AHCY: variants seen among roughly 807,000 people sequenced by gnomAD.
AHCY encodes adenosylhomocysteinase, also known as S-adenosyl-L-homocysteine hydrolase.
A neutral mutation model predicts 45.4 loss-of-function variants in AHCY; 24 were observed. The ratio of observed to expected loss-of-function variants is 0.53; its 90% CI spans 0.38 to 0.74. The LOEUF (loss-of-function observed/expected upper bound fraction) is 0.74, where lower values mean the gene tolerates loss of function less well. AHCY is among the 30% of genes least tolerant of loss of function. AHCY has a pLI of 0.00. For missense variants in AHCY, 449 were observed against 594.1 expected, an observed-to-expected ratio of 0.76 and a Z score of 2.54; for synonymous variants, 245 against 235.1, an observed-to-expected ratio of 1.04 and a Z score of -0.39.
chr20:34,311,689 A>T (rs2036950757), exon 1 of AHCY: 1 of 152,616 alleles, frequency 6.6e-6, no homozygotes, highest in Middle Eastern at 3.4e-3. Context: ...AGGCGCTGAG[A>T]AAGCCCGCTG....
chr20:34,235,813 GA>G, the AHCY span, among the ~76,000 whole-genome samples: 5 of 57,360 alleles, frequency 8.7e-5, no homozygotes, highest in Non-Finnish European at 1.3e-4. Context: ...AAGAAAGAAA[GA>G]AAGAAAGAAA....
the AHCY span, chr20:34,269,475 C>T: frequency 2.5e-6 from 1 of 393,470 alleles, no homozygotes; most frequent in African/African-American, 2.1e-5. Flanking sequence ...CCAGTCACCG[C>T]TGCTGCCGAC....
At chr20:34,310,430 G>A (rs912360622) in intron 1 of AHCY, among the ~76,000 whole-genome samples, 1 of 152,162 alleles carries the variant, frequency 6.6e-6, no homozygotes, top group Non-Finnish European at 1.5e-5. Flanking sequence ...CTATTGGTAA[G>A]AGTGTGGGGA....
chr20:34,301,916 T>G, intron 1 of AHCY: 1 of 985,460 alleles, frequency 1.0e-6, no homozygotes, highest in Non-Finnish European at 1.2e-6. Context: ...AAGATTATTG[T>G]GTAAACACAC....
chr20:34,305,399 C>T (rs1216105338), upstream of AHCY, among the ~76,000 whole-genome samples: 1 of 152,050 alleles, frequency 6.6e-6, no homozygotes, highest in East Asian at 1.9e-4. Context: ...TTGATCTGTA[C>T]ATCTGACCTC....
At chr20:34,289,550 A>ACTGCAAC (rs2122752233) in intron 8 of AHCY, among the ~76,000 whole-genome samples, 1 of 130,812 alleles carries the variant, frequency 7.6e-6, no homozygotes, top group East Asian at 2.3e-4. Context: ...ATCTCGGCTC[A>ACTGCAAC]CTGCAACCTC....
chr20:34,288,657 T>C (rs1415656723), intron 8 of AHCY, among the ~76,000 whole-genome samples: 1 of 151,608 alleles, frequency 6.6e-6, no homozygotes, highest in Admixed American at 6.6e-5. Flanking sequence ...GGTAACAGAG[T>C]GAGCCCATCT....
At chr20:34,277,447 C>G (rs2035918106), downstream of AHCY, among the ~76,000 whole-genome samples, 1 of 152,132 alleles carries the variant, frequency 6.6e-6, no homozygotes, top group Non-Finnish European at 1.5e-5. Flanking sequence ...TCCCTCCCAC[C>G]ACCTGGTGTC....
intron 9 of AHCY, among the ~76,000 whole-genome samples, 199 bp downstream of exon 9, chr20:34,285,241 C>A (rs1292401503): frequency 6.6e-6 from 1 of 152,184 alleles, no homozygotes; most frequent in Non-Finnish European, 1.5e-5. Context: ...CTCTGCTGTG[C>A]TCCAGGGAGC....
the AHCY span, among the ~76,000 whole-genome samples, chr20:34,237,877 TG>T: frequency 6.6e-6 from 1 of 152,214 alleles, no homozygotes; most frequent in Non-Finnish European, 1.5e-5. Flanking sequence ...TGTTAGAGTT[TG>T]TCAAATGCTT....
At chr20:34,246,401 G>A in the AHCY span, 1 of 1,380,228 alleles carries the variant, frequency 7.2e-7, no homozygotes, top group Non-Finnish European at 1.0e-6. Flanking sequence ...AGCAACATCA[G>A]GCATATATTC....
chr20:34,306,557 C>T (rs181257404), upstream of AHCY, among the ~76,000 whole-genome samples: 6 of 152,060 alleles, frequency 3.9e-5, no homozygotes, highest in Admixed American at 1.3e-4. Context: ...TTAATAGAGA[C>T]GGTGTTTCAC....
Position 34,280,763 on chromosome 20 carries a change from T to C in AHCY, c.*271A>G. 2 of 505,120 alleles carry C rather than the reference T, an allele frequency of 4.0e-6. No individual in the cohort carries two copies. The highest frequency in any genetic ancestry group is 7.2e-6 in the Non-Finnish European group (2 of 276,988). The allele number at this position is 505,120 out of a possible 1,614,324, so 31.3% of individuals were successfully genotyped here. ...CTTCCAGGCTAAGGAAGGACTGACT[T>C]AGTGAGCTGTTCCAAGACCACTGAG... On this transcript the variant is annotated 3_prime_UTR_variant, in exon 10 of 10. Coordinates refer to ENST00000217426, the MANE Select transcript of AHCY (RefSeq NM_000687.4).
chr20:34,266,213 G>GCA, the AHCY span, among the ~76,000 whole-genome samples: 14 of 151,754 alleles, frequency 9.2e-5, no homozygotes, highest in Admixed American at 8.5e-4. Context: ...TTAGCCGGAG[G>GCA]TGGTGGCGGG....
the AHCY span, among the ~76,000 whole-genome samples, chr20:34,255,268 G>A: frequency 2.0e-5 from 3 of 152,096 alleles, no homozygotes; most frequent in East Asian, 1.9e-4. Flanking sequence ...CAGCCCCCTC[G>A]TTCTCAATCC....
At chr20:34,296,611 T>C (rs1378545190) in intron 1 of AHCY, among the ~76,000 whole-genome samples, 3 of 152,180 alleles carry the variant, frequency 2.0e-5, no homozygotes, top group African/African-American at 7.2e-5. Context: ...CCTACCACAC[T>C]GGTCCACTTC....
the AHCY span, chr20:34,262,927 T>A: frequency 6.2e-7 from 1 of 1,611,694 alleles, no homozygotes; most frequent in Non-Finnish European, 8.5e-7. Flanking sequence ...GTTCTCATTG[T>A]TGGGGTGAGA....
At position 34,303,326 on chromosome 20, in the gene AHCY, C is replaced by G. The variant is rs1353838106; in HGVS notation, c.-56G>C. ...AGGGGGCTGGGCCTCAGTCTGGGAA[C>G]AGGAACTGGGCGGGCAGCGCCGAGC... is the stretch of plus-strand genomic sequence containing the variant. On this transcript the variant is annotated 5_prime_UTR_variant, in exon 1 of 10. Transcript: ENST00000217426. The G allele has an allele frequency of 9.7e-6, 15 of 1,551,032 alleles. No homozygotes were observed. Among genetic ancestry groups the G allele is most frequent in the Non-Finnish European group, 1.2e-5 (14 of 1,146,502 alleles).
the AHCY span, among the ~76,000 whole-genome samples, chr20:34,274,068 T>C: frequency 6.6e-6 from 1 of 152,150 alleles, no homozygotes; most frequent in Non-Finnish European, 1.5e-5. Context: ...CCAGAGGCTT[T>C]CACACTTTCC....
Sources: allele counts gnomAD v4.1 joint callset (sites outside exome capture counted in the v4.1 genomes callset), GRCh38; gene constraint gnomAD v4.1.1; transcripts MANE v1.5; gene names NCBI Gene and HGNC (gene_info 2026-07-23, HGNC 2026-07-21).